The following GDA variants were observed in gnomAD, a reference collection of about 807,000 sequenced individuals.
GDA encodes the protein cytoplasmic PSD-95 interactor.
In GDA, 18 loss-of-function variants were observed where a neutral mutation model predicts 59.6. That is an observed-to-expected ratio of 0.30 (90% CI 0.21 to 0.45). GDA has a LOEUF of 0.45. GDA is among the 20% of genes least tolerant of loss of function. The pLI is 1.00. For synonymous variants in GDA, 201 were observed against 201.1 expected, an observed-to-expected ratio of 1.00 and a Z score of 0.00; for missense variants, 427 against 552.3, an observed-to-expected ratio of 0.77 and a Z score of 2.27.
intron 1 of GDA, among the ~76,000 whole-genome samples, chr9:72,174,202 G>C (rs1830296303): frequency 6.6e-6 from 1 of 152,190 alleles, no homozygotes; most frequent in Non-Finnish European, 1.5e-5. Context: ...TGTTAAGACT[G>C]TGCCAGGCAC....
chr9:72,230,384 G>A (rs947447822), intron 9 of GDA, among the ~76,000 whole-genome samples: 2 of 151,942 alleles, frequency 1.3e-5, no homozygotes, highest in African/African-American at 4.8e-5. Context: ...CTACTCGGGA[G>A]GCTGATGTAG....
chr9:72,236,379 C>G (rs1056013074), intron 10 of GDA, among the ~76,000 whole-genome samples: 2 of 152,038 alleles, frequency 1.3e-5, no homozygotes, highest in Admixed American at 6.6e-5. Flanking sequence ...TCCAAGACAG[C>G]GTTTTCTCAT....
intron 12 of GDA, among the ~76,000 whole-genome samples, chr9:72,245,977 G>A (rs554813122): frequency 1.8e-4 from 27 of 152,008 alleles, no homozygotes; most frequent in Non-Finnish European, 3.5e-4. Context: ...GAGTAATTGC[G>A]ATAATAAATA....
At chr9:72,248,090 A>G (rs1014814303) in intron 13 of GDA, among the ~76,000 whole-genome samples, 182 bp from the exon 14 acceptor site, 2 of 152,132 alleles carry the variant, frequency 1.3e-5, no homozygotes, top group Non-Finnish European at 2.9e-5. Context: ...CAAATTAGCT[A>G]TGGCATTTTC....
chr9:72,233,847 C>T (rs1838651423), intron 10 of GDA, among the ~76,000 whole-genome samples: 1 of 152,132 alleles, frequency 6.6e-6, no homozygotes, highest in Non-Finnish European at 1.5e-5. Context: ...GTGGCTGAGG[C>T]AGGAGGATCG....
downstream of GDA, among the ~76,000 whole-genome samples, chr9:72,254,829 A>T (rs533218588): frequency 9.2e-5 from 14 of 152,328 alleles, no homozygotes; most frequent in Admixed American, 6.5e-4. Context: ...GCCCTGGAAC[A>T]CTTGAGAGAC....
At chr9:72,159,637 T>G (rs1473610052) in intron 1 of GDA, among the ~76,000 whole-genome samples, 1 of 152,014 alleles carries the variant, frequency 6.6e-6, no homozygotes, top group Non-Finnish European at 1.5e-5. Flanking sequence ...AATGGAAAAA[T>G]AAAGTGCATC....
At chr9:72,148,315 G>GTA (rs979660337), upstream of GDA, among the ~76,000 whole-genome samples, 4 of 4,612 alleles carry the variant, frequency 8.7e-4, no homozygotes, top group Non-Finnish European at 0.017. Flanking sequence ...GTGTATGTGT[G>GTA]TGTGTGTGTG....
In GDA at chr9:72,248,492, T is replaced by C; in HGVS notation, c.*150T>C. ...CTAGTTACAGTATTCACTTGACAAA[T>C]AGTTCGAAGGAAGTTGCACTAATTC... On this transcript the variant is annotated 3_prime_UTR_variant, in exon 14 of 14. Transcript: ENST00000358399. The C allele has an allele frequency of 6.9e-7, 1 of 1,444,648 alleles. No individual in the cohort carries two copies. The highest frequency in any genetic ancestry group is 1.5e-5 in the South Asian group (1 of 67,384). The allele number at this position is 1,444,648 out of a possible 1,614,324, so 89.5% of individuals were successfully genotyped here.
upstream of GDA, chr9:72,149,421 C>A: frequency 9.8e-7 from 1 of 1,020,412 alleles, no homozygotes; most frequent in Non-Finnish European, 1.4e-6. Context: ...TACCGGCAAC[C>A]GCCCGGGTAA....
intron 1 of GDA, among the ~76,000 whole-genome samples, chr9:72,125,432 T>A (rs1006815434): frequency 6.8e-6 from 1 of 146,344 alleles, no homozygotes; most frequent in Admixed American, 7.1e-5. Context: ...CACGACACAC[T>A]GCAACCTTGA....
chr9:72,165,823 G>A (rs1422042138), intron 1 of GDA, among the ~76,000 whole-genome samples: 1 of 151,792 alleles, frequency 6.6e-6, no homozygotes, highest in Non-Finnish European at 1.5e-5. Flanking sequence ...GCTCGAATCC[G>A]GGAGGTGGAG....
chr9:72,189,587 T>C (rs1424466528), intron 1 of GDA, among the ~76,000 whole-genome samples: 1 of 152,164 alleles, frequency 6.6e-6, no homozygotes, highest in Non-Finnish European at 1.5e-5. Flanking sequence ...ATGCCTGTAA[T>C]TCTAGCACTT....
intron 1 of GDA, among the ~76,000 whole-genome samples, chr9:72,126,590 A>T (rs1249137121): frequency 7.7e-6 from 1 of 129,350 alleles, no homozygotes; most frequent in East Asian, 2.5e-4. Flanking sequence ...TTTTTGAGAC[A>T]GGGTCTCATT....
At chr9:72,133,856 G>A (rs1226986358) in intron 1 of GDA, among the ~76,000 whole-genome samples, 1 of 152,196 alleles carries the variant, frequency 6.6e-6, no homozygotes, top group Non-Finnish European at 1.5e-5. Flanking sequence ...AACCCACTGT[G>A]CGGACTGAAA....
chr9:72,250,820 TC>T lies in GDA; in HGVS notation c.*2479del, dbSNP rs1840607695. ...ATTTCCTTAATGTTCCATGGTATTT[TC>T]AACGGAATACACTTTGAAAGGTAAA... On this transcript the variant is annotated 3_prime_UTR_variant, in exon 14 of 14. Coordinates refer to ENST00000358399, the MANE Select transcript of GDA (RefSeq NM_004293.5). 1 of 1,610,050 alleles carries T rather than the reference TC, an allele frequency of 6.2e-7. No individual in the cohort carries two copies. Among genetic ancestry groups the T allele is most frequent in the Non-Finnish European group, 8.5e-7 (1 of 1,177,540 alleles).
intron 1 of GDA, among the ~76,000 whole-genome samples, chr9:72,178,637 C>T (rs1030198472): frequency 1.3e-4 from 20 of 152,050 alleles, no homozygotes; most frequent in African/African-American, 4.6e-4. Context: ...AGGCTGGTCT[C>T]GAACTCCTGA....
downstream of GDA, among the ~76,000 whole-genome samples, chr9:72,256,605 A>G (rs576314294): frequency 1.7e-4 from 26 of 152,334 alleles, 1 homozygote; most frequent in Admixed American, 1.6e-3. Flanking sequence ...TTTCGAGTAG[A>G]GCGTTCAGCA....
At chr9:72,140,198 G>A (rs1234802758) in intron 1 of GDA, among the ~76,000 whole-genome samples, 2 of 152,174 alleles carry the variant, frequency 1.3e-5, no homozygotes, top group Non-Finnish European at 2.9e-5. Flanking sequence ...GCCTATTGTG[G>A]CAAATAAGAT....
Sources: allele counts gnomAD v4.1 joint callset (sites outside exome capture counted in the v4.1 genomes callset), GRCh38; gene constraint gnomAD v4.1.1; transcripts MANE v1.5; gene names NCBI Gene and HGNC (gene_info 2026-07-23, HGNC 2026-07-21).